The following IL16 variants were observed in gnomAD, a reference collection of about 807,000 sequenced individuals.
IL16 encodes interleukin 16, also known as pro-interleukin-16.
A neutral mutation model predicts 110.1 loss-of-function variants in IL16; 67 were observed. That is an observed-to-expected ratio of 0.61 (90% CI 0.50 to 0.75). The LOEUF is 0.75. IL16 is among the 30% of genes least tolerant of loss of function. The pLI is 0.00. For missense variants in IL16, 1,545 were observed against 1,655.0 expected, an observed-to-expected ratio of 0.93 and a Z score of 1.15; for synonymous variants, 689 against 662.9, an observed-to-expected ratio of 1.04 and a Z score of -0.61.
At chr15:81,191,898 C>T (rs1895502908), upstream of IL16, among the ~76,000 whole-genome samples, 1 of 152,178 alleles carries the variant, frequency 6.6e-6, no homozygotes. Context: ...GGGAGATAAA[C>T]AAGGGTGAGA....
At position 81,282,753 on chromosome 15, in the gene IL16, T is replaced by C; in HGVS notation, c.1196T>C (p.Leu399Pro). 6.2e-7 allele frequency: 1 copy of C among 1,602,214 alleles called. No individual in the cohort carries two copies. Among genetic ancestry groups the C allele is most frequent in the Non-Finnish European group, 8.6e-7 (1 of 1,169,156 alleles). ...TCCGTGGCGCACCTGGACGGACGTC[T>C]CCGGTATGTCCTCACTTCTGTTTCT... ...PGSVAHLDGR[L>P]RCGDEIVEIS... Residue 399 changes from leucine to proline, a missense_variant, in exon 9 of 19, where the codon CTC becomes CCC. Coordinates refer to ENST00000683961, the MANE Select transcript of IL16 (RefSeq NM_172217.5).
intron 8 of IL16, among the ~76,000 whole-genome samples, chr15:81,281,654 T>C (rs143510318): frequency 6.6e-6 from 1 of 152,334 alleles, no homozygotes; most frequent in Non-Finnish European, 1.5e-5. Context: ...CCCCCAGTCT[T>C]ACCCTCATAA....
intron 1 of IL16, among the ~76,000 whole-genome samples, chr15:81,207,843 GTTTT>G (rs59889952): frequency 6.3e-5 from 9 of 143,396 alleles, no homozygotes; most frequent in African/African-American, 1.8e-4. Flanking sequence ...GTGCATGTGG[GTTTT>G]TTTTTTTTTT....
rs777933017 is a variant in IL16, at chr15:81,225,553, G to T, written c.154G>T (p.Gly52Cys). The change falls in exon 2 of 19, where the codon GGC (glycine) becomes TGC (cysteine). Residue 52 changes from glycine to cysteine, a missense_variant. Coordinates refer to ENST00000683961, the MANE Select transcript of IL16 (RefSeq NM_172217.5). The stretch of plus-strand genomic sequence containing the variant: ...TCCCTTTGAGATTTCCTTGGCCCAG[G>T]GCAAGGAGGGAATTTTCCACTCATC... The part of the protein sequence containing the change: ...PDPFEISLAQ[G>C]KEGIFHSSVQ... 6.2e-7 allele frequency: 1 copy of T among 1,614,074 alleles called. No individual in the cohort carries two copies.
chr15:81,301,468 A>G lies in IL16; in HGVS notation c.3274A>G (p.Lys1092Glu), dbSNP rs887092254. 1 of 1,614,150 alleles carries G rather than the reference A, an allele frequency of 6.2e-7. No homozygotes were observed. Among genetic ancestry groups the G allele is most frequent in the Non-Finnish European group, 8.5e-7 (1 of 1,180,030 alleles). ...ISLLSSEELK[K>E]LIEEVKVLDE... Reference sequence around the variant, plus strand: ...CCTGCTGAGCTCAGAAGAATTAAAAAAACTCATCGAGGAGGTGAAGGTTCT... The same window carrying G: ...CCTGCTGAGCTCAGAAGAATTAAAAGAACTCATCGAGGAGGTGAAGGTTCT... Residue 1092 changes from lysine (K) to glutamate (E), a missense_variant, in exon 15 of 19, where the codon AAA becomes GAA. Physicochemically the swap from Lys to Glu is moderately conservative, Grantham distance 56 (BLOSUM62 1). Transcript: ENST00000683961.
intron 16 of IL16, among the ~76,000 whole-genome samples, chr15:81,305,393 G>A: frequency 6.6e-6 from 1 of 152,156 alleles, no homozygotes; most frequent in East Asian, 1.9e-4. Context: ...GCCGGGTGTG[G>A]TGGCTCATAC....
At chr15:81,222,745 GAC>G (rs71718505) in intron 1 of IL16, among the ~76,000 whole-genome samples, 7,945 of 147,812 alleles carry the variant, frequency 0.054, 653 homozygotes, top group African/African-American at 0.17. Context: ...CACACTCACA[GAC>G]ACACACACAC....
At chr15:81,238,364 C>T (rs1163729640) in intron 2 of IL16, among the ~76,000 whole-genome samples, 1 of 152,114 alleles carries the variant, frequency 6.6e-6, no homozygotes, top group Non-Finnish European at 1.5e-5. Context: ...AATCCTTGAA[C>T]ATTTTAAAGA....
intron 1 of IL16, among the ~76,000 whole-genome samples, chr15:81,223,311 G>T (rs116636479): frequency 6.6e-4 from 100 of 152,292 alleles, no homozygotes; most frequent in African/African-American, 2.3e-3. Context: ...ACATGAAGGG[G>T]ATAAAGGAAA....
chr15:81,212,399 C>T (rs928495113), intron 1 of IL16, among the ~76,000 whole-genome samples: 2 of 151,830 alleles, frequency 1.3e-5, no homozygotes, highest in African/African-American at 4.8e-5. Flanking sequence ...GATCTATGTA[C>T]TATGATATAA....
At chr15:81,282,835 A>C in intron 9 of IL16, 79 bp downstream of exon 9, 1 of 1,078,706 alleles carries the variant, frequency 9.3e-7, no homozygotes, top group Non-Finnish European at 1.4e-6. Context: ...CGGGAGATTG[A>C]TTTGGACATG....
Position 81,300,412 on chromosome 15 carries a change from A to G in IL16, c.3086A>G (p.Asn1029Ser), listed in dbSNP as rs760167955. Residue 1029 changes from asparagine (N) to serine (S), a missense_variant, in exon 14 of 19, where the codon AAC (asparagine) becomes AGC (serine). This residue lies in a region of IL16 where 356 missense variants were observed against 399.3 expected (regional missense o/e 0.89). Transcript: ENST00000683961. ...KEGASPTSSS[N>S]EDSAANGSAE... ...GGGGCATCTCCAACATCATCATCCA[A>G]CGAAGACTCAGCTGCAAATGGTTCT... 29 of 1,614,130 alleles carry G rather than the reference A, an allele frequency of 1.8e-5. No homozygotes were observed. Among genetic ancestry groups the G allele is most frequent in the Admixed American group, 1.5e-4 (9 of 60,028 alleles).
chr15:81,182,809 T>G, exon 1 of IL16: 1 of 1,244,884 alleles, frequency 8.0e-7, no homozygotes, highest in Non-Finnish European at 1.1e-6. Context: ...TGATCCTGGT[T>G]TGGAGGAACT....
At chr15:81,213,144 C>T (rs1050665886) in intron 1 of IL16, among the ~76,000 whole-genome samples, 2 of 152,082 alleles carry the variant, frequency 1.3e-5, no homozygotes, top group Admixed American at 6.5e-5. Context: ...CTGTGCTCAT[C>T]CAGGAGTTAT....
intron 1 of IL16, among the ~76,000 whole-genome samples, chr15:81,221,209 G>T (rs140453480): frequency 4.6e-5 from 7 of 152,136 alleles, no homozygotes; most frequent in Non-Finnish European, 2.9e-5. Context: ...GAACTTCTCG[G>T]TTTTTCTGCT....
intron 2 of IL16, among the ~76,000 whole-genome samples, chr15:81,247,814 C>T (rs571273815): frequency 9.2e-5 from 14 of 152,184 alleles, no homozygotes; most frequent in Non-Finnish European, 1.9e-4. Context: ...TGTTTTCTCT[C>T]TCCCCAGTTA....
rs759349134 is a variant in IL16, at chr15:81,292,695, C to A, written c.1560C>A (p.Ser520=). 4 of 1,614,128 alleles carry A rather than the reference C, an allele frequency of 2.5e-6. No individual in the cohort carries two copies. Among genetic ancestry groups the A allele is most frequent in the Admixed American group, 1.7e-5 (1 of 60,012 alleles). ...GTGACAGCAGCTACATGTCTGGGTC[C>A]CCAGGGGGAAGTCCTGGGAGTGGCA... ...SSSDSSYMSG[S]PGGSPGSGSA... Residue 520 remains serine, a synonymous_variant, in exon 12 of 19, where the codon TCC becomes TCA. Transcript: ENST00000683961.
intron 15 of IL16, among the ~76,000 whole-genome samples, chr15:81,302,640 A>G (rs1900345502): frequency 6.6e-6 from 1 of 152,210 alleles, no homozygotes; most frequent in African/African-American, 2.4e-5. Flanking sequence ...ATTCTTTGAC[A>G]TAAGTTTACT....
intron 2 of IL16, among the ~76,000 whole-genome samples, chr15:81,255,742 C>G (rs1346076669): frequency 6.8e-6 from 1 of 146,522 alleles, no homozygotes; most frequent in Non-Finnish European, 1.5e-5. Flanking sequence ...CCCTCTAACA[C>G]GGCATTAAGT....
Sources: allele counts gnomAD v4.1 joint callset (sites outside exome capture counted in the v4.1 genomes callset), GRCh38; gene constraint gnomAD v4.1.1; regional missense constraint gnomAD v4.1.1; transcripts MANE v1.5; gene names NCBI Gene and HGNC (gene_info 2026-07-23, HGNC 2026-07-21).